The following FILIP1L variants were observed in gnomAD, a reference collection of about 807,000 sequenced individuals.
The protein encoded by FILIP1L is filamin A interacting protein 1 like.
A neutral mutation model predicts 96.6 loss-of-function variants in FILIP1L; 55 were observed. That is an observed-to-expected ratio of 0.57 (90% CI 0.46 to 0.71). FILIP1L has a LOEUF of 0.71. Ranked by LOEUF, FILIP1L falls within the 30% of genes least tolerant of loss-of-function variation. The probability of loss-of-function intolerance (pLI) is 0.00; values close to 1 mark genes in which losing one functional copy is unlikely to be tolerated. For synonymous variants in FILIP1L, 467 were observed against 473.9 expected (o/e 0.99, Z 0.19); for missense variants, 1,304 against 1,321.2 (o/e 0.99, Z 0.20).
Position 99,848,971 on chromosome 3 carries a change from A to C in FILIP1L, c.2705T>G (p.Leu902Arg), listed in dbSNP as rs1173974919. 1.9e-6 allele frequency: 3 copies of C among 1,614,020 alleles called. No individual in the cohort carries two copies. Among genetic ancestry groups the C allele is most frequent in the Non-Finnish European group, 2.5e-6 (3 of 1,179,980 alleles). Residue 902 changes from leucine to arginine, a missense_variant, in exon 5 of 6, where the codon CTT (leucine) becomes CGT (arginine). Physicochemically the swap from Leu to Arg is moderately radical, Grantham distance 102. Coordinates refer to ENST00000477258, the MANE Select transcript of FILIP1L (RefSeq NM_001387850.1). ...LVLSHTPGQP[L>R]HIKVTPDHVQ... ...ATGGTCTGGAGTAACCTTTATATGA[A>C]GTGGCTGCCCAGGTGTGTGGCTTAG... is the stretch of plus-strand genomic sequence containing the variant.
At chr3:100,095,095 T>C (rs2066181682) in intron 1 of FILIP1L, among the ~76,000 whole-genome samples, 1 of 152,198 alleles carries the variant, frequency 6.6e-6, no homozygotes, top group Non-Finnish European at 1.5e-5. Context: ...CATTGATCTA[T>C]GTGACTATCC....
chr3:100,111,416 GT>G (rs2066489172), intron 1 of FILIP1L, among the ~76,000 whole-genome samples: 1 of 152,140 alleles, frequency 6.6e-6, no homozygotes, highest in Admixed American at 6.5e-5. Flanking sequence ...CTAAAACTTA[GT>G]TTATCTATCT....
rs148061492 is a variant in FILIP1L at position 100,027,422 on chromosome 3, G to A, written c.-11+86631C>T. Among the ~76,000 whole-genome samples, 373 of 152,194 alleles carry A rather than the reference G, an allele frequency of 2.5e-3. 1 individual carries two copies. The highest frequency in any genetic ancestry group is 8.3e-3 in the African/African-American group (346 of 41,522). On this transcript the variant is annotated intron_variant, in intron 1 of 5. Coordinates refer to ENST00000477258, the MANE Select transcript of FILIP1L (RefSeq NM_001387850.1). ...AAACTCTTCAATAGGCCAAACCTGGGCTGTACTTCTTTTGGCCTAGAGTCA... is the reference window on the plus strand; with the variant it reads ...AAACTCTTCAATAGGCCAAACCTGGACTGTACTTCTTTTGGCCTAGAGTCA...
chr3:100,026,591 A>C (rs1253608674), intron 1 of FILIP1L, among the ~76,000 whole-genome samples: 1 of 152,140 alleles, frequency 6.6e-6, no homozygotes, highest in African/African-American at 2.4e-5. Context: ...CTTTTCTTCT[A>C]CTTGTTCAAA....
intron 1 of FILIP1L, among the ~76,000 whole-genome samples, chr3:99,966,050 G>T (rs1708641882): frequency 6.6e-6 from 1 of 152,174 alleles, no homozygotes; most frequent in African/African-American, 2.4e-5. Context: ...CCCTGCTGAG[G>T]TTAATAGGGG....
intron 4 of FILIP1L, among the ~76,000 whole-genome samples, chr3:99,903,687 T>G (rs1185957381): frequency 6.6e-6 from 1 of 152,130 alleles, no homozygotes; most frequent in Admixed American, 6.5e-5. Context: ...AGCTTGCATC[T>G]TAACAGGACC....
At chr3:99,952,327 G>C (rs1263419020) in intron 1 of FILIP1L, among the ~76,000 whole-genome samples, 1 of 152,144 alleles carries the variant, frequency 6.6e-6, no homozygotes, top group Admixed American at 6.5e-5. Context: ...TTCATAATGA[G>C]CAAATTATCA....
chr3:99,932,823 C>A (rs1269156789), intron 1 of FILIP1L, among the ~76,000 whole-genome samples: 2 of 152,070 alleles, frequency 1.3e-5, no homozygotes, highest in African/African-American at 4.8e-5. Context: ...CACAGGAGGC[C>A]GAGGTTGCAT....
intron 1 of FILIP1L, among the ~76,000 whole-genome samples, chr3:100,078,871 A>G (rs2065891093): frequency 6.6e-6 from 1 of 152,152 alleles, no homozygotes; most frequent in African/African-American, 2.4e-5. Flanking sequence ...AGCCTGAGCG[A>G]CAGAGTGGGA....
At chr3:99,903,318 C>T (rs1336661726) in intron 4 of FILIP1L, among the ~76,000 whole-genome samples, 2 of 151,684 alleles carry the variant, frequency 1.3e-5, no homozygotes, top group African/African-American at 2.4e-5. Flanking sequence ...GTGGCGTGAT[C>T]TCAGCTCACT....
rs576168181 is a variant in FILIP1L at position 99,905,020 on chromosome 3, T to C, written c.605+19210A>G. On this transcript the variant is annotated intron_variant, in intron 4 of 5. Coordinates refer to ENST00000477258, the MANE Select transcript of FILIP1L (RefSeq NM_001387850.1). ...TCCTCAGATCCAAAAGCCTTCACTC[T>C]GACTTCATCCTCTGCCACTGCTCCA... Among the ~76,000 whole-genome samples the C allele has an allele frequency of 7.0e-4, 106 of 152,356 alleles. 2 individuals carry two copies. Among genetic ancestry groups the C allele is most frequent in the Non-Finnish European group, 1.5e-4 (10 of 68,038 alleles).
chr3:100,014,887 C>CTTTTTTTTTTTTTTTTTTTTTTT (rs1559725867), intron 1 of FILIP1L, among the ~76,000 whole-genome samples: 2 of 32,464 alleles, frequency 6.2e-5, no homozygotes, highest in Non-Finnish European at 1.2e-4. Context: ...TTTTTTTTTT[C>CTTTTTTTTTTTTTTTTTTTTTTT]TTTCTTTCTT....
intron 1 of FILIP1L, among the ~76,000 whole-genome samples, chr3:99,949,751 A>G (rs1708121185): frequency 6.6e-6 from 1 of 152,248 alleles, no homozygotes. Flanking sequence ...GCCATTATGT[A>G]TCTAAAGTAG....
At chr3:99,904,218 G>A (rs1422440051) in intron 4 of FILIP1L, among the ~76,000 whole-genome samples, 1 of 152,160 alleles carries the variant, frequency 6.6e-6, no homozygotes, top group East Asian at 1.9e-4. Flanking sequence ...AGGTCTATAA[G>A]GGCCATAGGC....
intron 1 of FILIP1L, among the ~76,000 whole-genome samples, chr3:100,092,880 A>T (rs753189486): frequency 6.6e-6 from 1 of 151,790 alleles, no homozygotes; most frequent in Non-Finnish European, 1.5e-5. Flanking sequence ...TCCAGGAGTT[A>T]ACAGCGGGGA....
intron 1 of FILIP1L, among the ~76,000 whole-genome samples, chr3:99,998,361 G>T (rs1193593769): frequency 2.6e-5 from 4 of 152,170 alleles, no homozygotes. Context: ...AATGTTTGGT[G>T]TAGCAACCCA....
chr3:99,833,338 T>C, intron 5 of FILIP1L: 1 of 1,290,774 alleles, frequency 7.7e-7, no homozygotes. Flanking sequence ...GTTTTATCCA[T>C]AGATTCTCAA....
At chr3:99,983,389 A>AATAC (rs1302972402) in intron 1 of FILIP1L, among the ~76,000 whole-genome samples, 2 of 40,788 alleles carry the variant, frequency 4.9e-5, no homozygotes, top group African/African-American at 2.0e-4. Context: ...TAAATAAATA[A>AATAC]ATATATATAT....
intron 4 of FILIP1L, among the ~76,000 whole-genome samples, chr3:99,852,956 C>G (rs1016783974): frequency 4.6e-5 from 7 of 152,058 alleles, no homozygotes; most frequent in African/African-American, 1.5e-4. Flanking sequence ...GGAGGCTGGC[C>G]CAAGGGCTGT....
Sources: allele counts gnomAD v4.1 joint callset (sites outside exome capture counted in the v4.1 genomes callset), GRCh38; gene constraint gnomAD v4.1.1; transcripts MANE v1.5; gene names NCBI Gene and HGNC (gene_info 2026-07-23, HGNC 2026-07-21).